Variants in KIF26B observed in about 807,000 individuals in gnomAD.
The protein encoded by KIF26B is kinesin family member 26B.
Under a neutral mutation model 151.2 loss-of-function variants are expected in KIF26B, and 63 were observed. The observed-to-expected ratio is 0.42, with a 90% CI of 0.34 to 0.51. The LOEUF is 0.51. KIF26B is among the 20% of genes least tolerant of loss of function. The pLI is 0.07. For synonymous variants in KIF26B, 1,357 were observed against 1,262.1 expected (o/e 1.08, Z -1.59); for missense variants, 2,813 against 2,913.6 (o/e 0.97, Z 0.79).
chr1:245,426,188 T>G (rs1426271928), intron 4 of KIF26B, among the ~76,000 whole-genome samples: 1 of 151,862 alleles, frequency 6.6e-6, no homozygotes, highest in African/African-American at 2.4e-5. Context: ...TCTCTCCCCC[T>G]TCCTCTCTCT....
chr1:245,229,862 C>T (rs1216665750), intron 2 of KIF26B, among the ~76,000 whole-genome samples: 6 of 152,184 alleles, frequency 3.9e-5, no homozygotes, highest in Admixed American at 3.9e-4. Flanking sequence ...AGGCCGGGTT[C>T]GGTGGCTCAC....
In KIF26B at chr1:245,707,418, A is replaced by G. The variant is rs1298654574; in HGVS notation, c.*4812A>G. 2 of 152,248 alleles carry G rather than the reference A, an allele frequency of 1.3e-5. No individual in the cohort carries two copies. Among genetic ancestry groups the G allele is most frequent in the African/African-American group, 4.8e-5 (2 of 41,464 alleles). 9.4% of individuals were successfully genotyped at this position (152,248 alleles called of 1,614,324 possible). On this transcript the variant is annotated 3_prime_UTR_variant, in exon 15 of 15. Transcript: ENST00000407071. ...TTCTTTCATTCCCTATCCTGCTAAC[A>G]GCCCACATTGTAATATTTGATTTAT...
chr1:245,235,096 T>G (rs1670080561), intron 2 of KIF26B, among the ~76,000 whole-genome samples: 2 of 152,170 alleles, frequency 1.3e-5, no homozygotes, highest in African/African-American at 2.4e-5. Flanking sequence ...GAGTTGCCTG[T>G]GGAGGGGCTC....
chr1:245,195,643 G>A (rs990391091), intron 2 of KIF26B, among the ~76,000 whole-genome samples: 1 of 152,200 alleles, frequency 6.6e-6, no homozygotes, highest in Admixed American at 6.5e-5. Flanking sequence ...AGGGCCGGGG[G>A]AAGGAGGCTG....
At chr1:245,701,857 G>A (rs957366565) in intron 14 of KIF26B, among the ~76,000 whole-genome samples, 1 of 152,116 alleles carries the variant, frequency 6.6e-6, no homozygotes, top group African/African-American at 2.4e-5. Flanking sequence ...CCTGGACCTG[G>A]GCCAGGCAGC....
At chr1:245,481,400 C>G (rs904332943) in intron 4 of KIF26B, among the ~76,000 whole-genome samples, 1 of 151,794 alleles carries the variant, frequency 6.6e-6, no homozygotes, top group Non-Finnish European at 1.5e-5. Flanking sequence ...TCAAATGTAA[C>G]GTAAAAAGGA....
In KIF26B at chr1:245,702,410, C is replaced by G. The variant is rs753235652; in HGVS notation, c.6179-48C>G. 6.2e-7 allele frequency: 1 copy of G among 1,608,920 alleles called. No homozygotes were observed. Among genetic ancestry groups the G allele is most frequent in the Admixed American group, 1.7e-5 (1 of 59,780 alleles). The stretch of plus-strand genomic sequence containing the variant: ...CAGGCTGAGCCGTCGGGAGTTGCTT[C>G]TCACCCTGTTTGCTCTGCGTCTCCA... On this transcript the variant is annotated intron_variant, in intron 14 of 14. Coordinates refer to ENST00000407071, the MANE Select transcript of KIF26B (RefSeq NM_018012.4). This position sits in a 1 kb window ranked among gnomAD's most constrained non-coding sequence, Gnocchi z 4.1.
rs1157198980 is a variant in KIF26B at position 245,706,221 on chromosome 1, T to A, written c.*3615T>A. 1 of 152,236 alleles carries A rather than the reference T, an allele frequency of 6.6e-6. No homozygotes were observed. Among genetic ancestry groups the A allele is most frequent in the African/African-American group, 2.4e-5 (1 of 41,468 alleles). The allele number at this position is 152,236 out of a possible 1,614,324, so 9.4% of individuals were successfully genotyped here. ...CAGGGTGGAGGTTCAAAAAGTCTTA[T>A]ACGCACCTACAAGTCTCACGCTTGC... On this transcript the variant is annotated 3_prime_UTR_variant, in exon 15 of 15. Coordinates refer to ENST00000407071, the MANE Select transcript of KIF26B (RefSeq NM_018012.4).
intron 4 of KIF26B, among the ~76,000 whole-genome samples, chr1:245,532,629 T>C (rs979594903): frequency 3.3e-5 from 5 of 152,198 alleles, no homozygotes; most frequent in Non-Finnish European, 5.9e-5. Flanking sequence ...TAACAGTGCC[T>C]GGCTGTAGTA....
chr1:245,537,122 A>T (rs189718411), intron 4 of KIF26B, among the ~76,000 whole-genome samples: 80 of 152,300 alleles, frequency 5.3e-4, no homozygotes, highest in Admixed American at 1.9e-3. Context: ...CATGATGGGC[A>T]AGGTAGGTTC....
chr1:245,377,287 C>G (rs1184266), intron 3 of KIF26B, among the ~76,000 whole-genome samples: 1 of 152,152 alleles, frequency 6.6e-6, no homozygotes, highest in Non-Finnish European at 1.5e-5. Flanking sequence ...AGGTGTCGGC[C>G]GTGCTGTGCT....
At chr1:245,575,743 T>C (rs2043112045) in intron 5 of KIF26B, among the ~76,000 whole-genome samples, 1 of 152,154 alleles carries the variant, frequency 6.6e-6, no homozygotes, top group Non-Finnish European at 1.5e-5. Context: ...GCTGTCAATA[T>C]CATAATATCA....
At chr1:245,329,724 A>G (rs1672062344) in intron 2 of KIF26B, among the ~76,000 whole-genome samples, 1 of 152,236 alleles carries the variant, frequency 6.6e-6, no homozygotes, top group African/African-American at 2.4e-5. Flanking sequence ...AGATGATATC[A>G]TAGTAGACGC....
intron 2 of KIF26B, among the ~76,000 whole-genome samples, chr1:245,328,818 C>T (rs766877677): frequency 4.6e-5 from 7 of 152,178 alleles, no homozygotes; most frequent in Non-Finnish European, 1.0e-4. Flanking sequence ...ATCGAGAACT[C>T]GTGAAGACAG....
At chr1:245,242,118 A>G (rs1268013134) in intron 2 of KIF26B, among the ~76,000 whole-genome samples, 1 of 152,224 alleles carries the variant, frequency 6.6e-6, no homozygotes, top group Non-Finnish European at 1.5e-5. Context: ...CACATAGATA[A>G]GAATAGAGAA....
chr1:245,327,152 C>G (rs1045919221), intron 2 of KIF26B, among the ~76,000 whole-genome samples: 9 of 152,164 alleles, frequency 5.9e-5, no homozygotes, highest in Admixed American at 5.9e-4. Flanking sequence ...GGCGCCCCTC[C>G]TATGGCTTTG....
intron 2 of KIF26B, among the ~76,000 whole-genome samples, chr1:245,298,187 C>G (rs1671370141): frequency 6.6e-6 from 1 of 152,108 alleles, no homozygotes; most frequent in East Asian, 1.9e-4. Context: ...GCGCCCAGCC[C>G]TAATGTTCTA....
chr1:245,313,982 C>A (rs1573769399), intron 2 of KIF26B, among the ~76,000 whole-genome samples: 1 of 152,158 alleles, frequency 6.6e-6, no homozygotes, highest in East Asian at 1.9e-4. Flanking sequence ...TTTCTCTCTT[C>A]CCCCTCTCGC....
chr1:245,247,303 A>AG (rs1294558707), intron 2 of KIF26B, among the ~76,000 whole-genome samples: 7 of 151,772 alleles, frequency 4.6e-5, no homozygotes, highest in Non-Finnish European at 1.0e-4. Flanking sequence ...AAAAAAAAAA[A>AG]AAAAATTAGC....
Sources: allele counts gnomAD v4.1 joint callset (sites outside exome capture counted in the v4.1 genomes callset), GRCh38; gene constraint gnomAD v4.1.1; non-coding constraint Gnocchi (gnomAD v3.1); transcripts MANE v1.5; gene names NCBI Gene and HGNC (gene_info 2026-07-23, HGNC 2026-07-21).